The following GRAMD1C variants were observed in gnomAD, a reference collection of about 807,000 sequenced individuals.
GRAMD1C encodes protein Aster-C.
GRAMD1C carries 89 observed loss-of-function variants against 97.8 expected under a neutral mutation model. The ratio of observed to expected loss-of-function variants is 0.91; its 90% CI spans 0.77 to 1.09. The LOEUF (loss-of-function observed/expected upper bound fraction) is 1.09. Among genes scored for constraint, GRAMD1C ranks in the 50% least tolerant of loss-of-function variants. The pLI, the probability that GRAMD1C is intolerant of heterozygous loss-of-function variation, is 0.00. For missense variants in GRAMD1C, 740 were observed against 766.4 expected (o/e 0.97, Z 0.41); for synonymous variants, 256 against 267.0 (o/e 0.96, Z 0.40).
chr3:113,935,753 T>A (rs1180732433), intron 13 of GRAMD1C, among the ~76,000 whole-genome samples: 1 of 152,134 alleles, frequency 6.6e-6, no homozygotes, highest in Non-Finnish European at 1.5e-5. Flanking sequence ...GGCCACTGAA[T>A]AAGTTTCTAA....
chr3:113,928,402 A>G (rs1199709279), intron 10 of GRAMD1C, among the ~76,000 whole-genome samples: 1 of 152,192 alleles, frequency 6.6e-6, no homozygotes, highest in African/African-American at 2.4e-5. Context: ...GCTTCAGAAA[A>G]ATTGCATGAA....
At chr3:113,932,952 G>C (rs941879627) in intron 11 of GRAMD1C, among the ~76,000 whole-genome samples, 1 of 147,518 alleles carries the variant, frequency 6.8e-6, no homozygotes, top group Non-Finnish European at 1.5e-5. Flanking sequence ...AGGCGATCTT[G>C]CTCACTGCAA....
intron 8 of GRAMD1C, among the ~76,000 whole-genome samples, chr3:113,907,640 C>CT (rs1272092926): frequency 6.6e-6 from 1 of 152,076 alleles, no homozygotes; most frequent in Non-Finnish European, 1.5e-5. Context: ...TCAAAAATAA[C>CT]TTTTTTCCAA....
At chr3:113,937,677 C>A (rs1275207110) in intron 14 of GRAMD1C, among the ~76,000 whole-genome samples, 1 of 152,130 alleles carries the variant, frequency 6.6e-6, no homozygotes, top group African/African-American at 2.4e-5. Context: ...TTTAAAAGTT[C>A]TTTTTCAGTT....
chr3:113,886,470 G>T (rs1935485009), intron 6 of GRAMD1C, among the ~76,000 whole-genome samples: 1 of 152,044 alleles, frequency 6.6e-6, no homozygotes, highest in South Asian at 2.1e-4. Flanking sequence ...CTGGGCTGTG[G>T]GTGGGATACT....
rs138448731 is a variant in GRAMD1C at position 113,833,145 on chromosome 3, C to CGT, written n.98+4878_98+4879dup. 7.2e-3 allele frequency among the ~76,000 whole-genome samples: 850 copies of CGT among 117,408 alleles called. 8 individuals are homozygous for CGT. The highest frequency in any genetic ancestry group is 0.042 in the South Asian group (160 of 3,822). 77.0% of individuals were successfully genotyped at this position (117,408 alleles called of 152,430 possible). On this transcript the variant is annotated intron_variant and non_coding_transcript_variant, in intron 1 of 18. Transcript: ENST00000479212. ...CTTTTTTTTTTTTTTTGTGTGTGTGCGTGTGTGTGTGTGACGAGTTTTGCT... is the reference window on the plus strand; with the variant it reads ...CTTTTTTTTTTTTTTTGTGTGTGTGCGTGTGTGTGTGTGTGACGAGTTTTGCT...
chr3:113,885,296 G>A (rs1366769125), intron 6 of GRAMD1C: 7 of 1,523,118 alleles, frequency 4.6e-6, no homozygotes, highest in Admixed American at 1.8e-5. Flanking sequence ...GGGGTCATCC[G>A]GATGGTGCGG....
In GRAMD1C at chr3:113,885,672, G is replaced by A. The variant is rs1935448682; in HGVS notation, c.540+2840G>A. Reference sequence around the variant, plus strand: ...CCTGGAAGTGGTGAGCCAGTGGTACGAGCTGGTGGTGTTTACAGAAAGCAT... The same window carrying A: ...CCTGGAAGTGGTGAGCCAGTGGTACAAGCTGGTGGTGTTTACAGAAAGCAT... On this transcript the variant is annotated intron_variant, in intron 6 of 17. Coordinates refer to ENST00000358160, the MANE Select transcript of GRAMD1C (RefSeq NM_017577.5). 3 of 1,516,830 alleles carry A rather than the reference G, an allele frequency of 2.0e-6. No homozygotes were observed. The African/African-American group carries it at 4.1e-5, about 21-fold the overall frequency. 94.0% of individuals were successfully genotyped at this position (1,516,830 alleles called of 1,614,324 possible). A position where few individuals can be genotyped will look rare whatever the true frequency, so the allele number is the denominator to read the frequency against.
chr3:113,899,697 A>G (rs906006451), intron 6 of GRAMD1C, among the ~76,000 whole-genome samples: 1 of 152,200 alleles, frequency 6.6e-6, no homozygotes, highest in African/African-American at 2.4e-5. Context: ...ATTGGTTATC[A>G]TAATATTGTT....
chr3:113,898,043 A>G (rs1936006689), intron 6 of GRAMD1C, among the ~76,000 whole-genome samples: 1 of 152,150 alleles, frequency 6.6e-6, no homozygotes, highest in Non-Finnish European at 1.5e-5. Context: ...GAATTACATG[A>G]GTTATATTTT....
chr3:113,876,053 A>G (rs565455981), intron 4 of GRAMD1C, 112 bp from the exon 5 acceptor site: 1 of 620,202 alleles, frequency 1.6e-6, no homozygotes, highest in Non-Finnish European at 2.9e-6. Context: ...AAAAACCTGA[A>G]GAATATTCAA....
At chr3:113,872,977 C>T (rs1427755194) in intron 3 of GRAMD1C, among the ~76,000 whole-genome samples, 9 of 149,402 alleles carry the variant, frequency 6.0e-5, no homozygotes, top group African/African-American at 1.7e-4. Context: ...CCCAGCTACT[C>T]GGGAGGCTGA....
Position 113,893,846 on chromosome 3 carries a change from G to A in GRAMD1C, c.541-7185G>A, listed in dbSNP as rs865939669. Among the ~76,000 whole-genome samples, 34 of 152,196 alleles carry A rather than the reference G, an allele frequency of 2.2e-4. 1 individual carries two copies. Among genetic ancestry groups the A allele is most frequent in the Non-Finnish European group, 1.6e-4 (11 of 68,012 alleles). ...CAATTTAGTAGAACTTCAATGATTT[G>A]GAGTCCAAATAATTACTACTGTTAA... is the stretch of plus-strand genomic sequence containing the variant. On this transcript the variant is annotated intron_variant, in intron 6 of 17. Coordinates refer to ENST00000358160, the MANE Select transcript of GRAMD1C (RefSeq NM_017577.5).
At chr3:113,927,669 C>T (rs1226322654) in intron 10 of GRAMD1C, among the ~76,000 whole-genome samples, 3 of 152,200 alleles carry the variant, frequency 2.0e-5, no homozygotes, top group African/African-American at 7.2e-5. Flanking sequence ...GACACTCTAG[C>T]AGGCATGGCC....
rs186665033 is a variant in GRAMD1C at position 113,907,875 on chromosome 3, C to G, written c.790-1083C>G. The stretch of plus-strand genomic sequence containing the variant: ...TGGAGCTGTAGAGAAATGTACTCTA[C>G]TTAGCATCTGTTAAGGGGCCCCTGG... On this transcript the variant is annotated intron_variant, in intron 8 of 17. Coordinates refer to ENST00000358160, the MANE Select transcript of GRAMD1C (RefSeq NM_017577.5). 1.2e-3 allele frequency among the ~76,000 whole-genome samples: 187 copies of G among 152,274 alleles called. 1 individual carries two copies. The highest frequency in any genetic ancestry group is 4.2e-3 in the African/African-American group (176 of 41,554).
At chr3:113,841,285 C>CTTTCTT (rs1553714128) in intron 1 of GRAMD1C, among the ~76,000 whole-genome samples, 13 of 94,338 alleles carry the variant, frequency 1.4e-4, no homozygotes, top group Admixed American at 4.5e-4. Context: ...TTCTTTCTTT[C>CTTTCTT]TTTTTTTTTT....
At chr3:113,885,200 GC>G (rs1219738285) in intron 6 of GRAMD1C, 25 of 714,444 alleles carry the variant, frequency 3.5e-5, no homozygotes, top group Non-Finnish European at 5.4e-5. Context: ...GCCACTTGGG[GC>G]CCCCGTTCCC....
At position 113,900,785 on chromosome 3, in the gene GRAMD1C, G is replaced by A. The variant is rs561038168; in HGVS notation, c.541-246G>A. ...CATTTTTAACCTCCCATTTTCAGTA[G>A]TTATTATAATATGTACTTTAAAATC... On this transcript the variant is annotated intron_variant, in intron 6 of 17. Coordinates refer to ENST00000358160, the MANE Select transcript of GRAMD1C (RefSeq NM_017577.5). Among the ~76,000 whole-genome samples the A allele has an allele frequency of 2.6e-5, 4 of 152,094 alleles. 1 individual carries two copies. The South Asian group carries it at 8.3e-4, about 32-fold the overall frequency.
rs908523073 is a variant in GRAMD1C at position 113,913,925 on chromosome 3, G to A, written c.953-1776G>A. ...GGATGTGTGTGTGGGTTTAGAGGGA[G>A]TGAGGGAGATTGCAGATCACTTTAA... On this transcript the variant is annotated intron_variant, in intron 9 of 17. Transcript: ENST00000358160. 9.2e-5 allele frequency among the ~76,000 whole-genome samples: 14 copies of A among 152,224 alleles called. 1 individual carries two copies. Among genetic ancestry groups the A allele is most frequent in the Admixed American group, 3.9e-4 (6 of 15,272 alleles).
Sources: gnomAD v4.1 joint callset for allele counts (sites outside exome capture counted in the v4.1 genomes callset) on GRCh38, gnomAD v4.1.1 for gene constraint, MANE v1.5 for transcripts, NCBI Gene and HGNC (gene_info 2026-07-23, HGNC 2026-07-21) for gene names.